Variants in TOPBP1 observed in about 807,000 individuals in gnomAD.
The protein encoded by TOPBP1 is DNA topoisomerase 2-binding protein 1.
In TOPBP1, 28 loss-of-function variants were observed where a neutral mutation model predicts 167.7. The ratio of observed to expected loss-of-function variants is 0.17; its 90% CI spans 0.12 to 0.23. The LOEUF is 0.23. TOPBP1 is among the 10% of genes least tolerant of loss of function. TOPBP1 has a pLI of 1.00. For synonymous variants in TOPBP1, 598 were observed against 611.4 expected (o/e 0.98, Z 0.32); for missense variants, 1,554 against 1,809.6 (o/e 0.86, Z 2.56).
At chr3:133,649,746 G>A in intron 9 of TOPBP1, 34 bp downstream of exon 9, 1 of 1,584,666 alleles carries the variant, frequency 6.3e-7, no homozygotes, top group Non-Finnish European at 8.5e-7. Flanking sequence ...AAATTATGTA[G>A]TAGAAATTGC....
In TOPBP1 at chr3:133,652,624, T is replaced by G. The variant is rs776863282; in HGVS notation, c.928A>C (p.Thr310Pro). ...TSQINTIDSR[T>P]LSDVSNISNI... Reference sequence around the variant, plus strand: ...GAAATATTGCTGACATCTGAAAGAGTACGACCTACATATTTTGAAAACGTA... The same window carrying G: ...GAAATATTGCTGACATCTGAAAGAGGACGACCTACATATTTTGAAAACGTA... The change falls in exon 8 of 28, where the codon ACT (threonine) becomes CCT (proline). Residue 310 changes from threonine (T) to proline (P), a missense_variant. Thr to Pro is a conservative substitution (Grantham distance 38). Around this residue, in one of 3 missense-constraint regions of TOPBP1, gnomAD observed 1,197 missense variants for 1,351.5 expected, o/e 0.89. Transcript: ENST00000260810. 1 of 1,604,642 alleles carries G rather than the reference T, an allele frequency of 6.2e-7. No individual in the cohort carries two copies. Among genetic ancestry groups the G allele is most frequent in the Non-Finnish European group, 8.5e-7 (1 of 1,177,210 alleles).
intron 27 of TOPBP1, among the ~76,000 whole-genome samples, chr3:133,604,187 T>G (rs1241404775): frequency 6.6e-6 from 1 of 151,760 alleles, no homozygotes; most frequent in East Asian, 1.9e-4. Flanking sequence ...CAAGCTGGAG[T>G]GCAGTGGCGT....
rs373881319 is a variant in TOPBP1 at position 133,637,753 on chromosome 3, A to T, written c.2520+123T>A. On this transcript the variant is annotated intron_variant, in intron 14 of 27. Transcript: ENST00000260810. ...CAAAACGTTCAAACTCAGTAACATAAATCTACTTGCCAATGTCTCTGGAAA... is the reference window on the plus strand; with the variant it reads ...CAAAACGTTCAAACTCAGTAACATATATCTACTTGCCAATGTCTCTGGAAA... 2.7e-4 allele frequency: 276 copies of T among 1,026,208 alleles called. No homozygotes were observed. In the African/African-American group the frequency reaches 4.1e-3, roughly 15 times the overall value. The allele number at this position is 1,026,208 out of a possible 1,614,324, so 63.6% of individuals were successfully genotyped here.
At chr3:133,624,399 G>A (rs1257552849) in intron 16 of TOPBP1, among the ~76,000 whole-genome samples, 2 of 152,104 alleles carry the variant, frequency 1.3e-5, no homozygotes, top group Non-Finnish European at 2.9e-5. Context: ...GGAGTTTGAG[G>A]CTGTAGTGTG....
At chr3:133,659,237 T>C (rs1434608646) in intron 2 of TOPBP1, 87 bp from the exon 3 acceptor site, 3 of 1,348,268 alleles carry the variant, frequency 2.2e-6, no homozygotes, top group African/African-American at 2.9e-5. Context: ...ATCCAGCCTT[T>C]TCCCTATTGA....
At chr3:133,610,470 C>T (rs1356434739) in intron 25 of TOPBP1, among the ~76,000 whole-genome samples, 1 of 151,910 alleles carries the variant, frequency 6.6e-6, no homozygotes, top group Non-Finnish European at 1.5e-5. Context: ...CTGATGAACA[C>T]AAACAGTATT....
chr3:133,623,301 T>C lies in TOPBP1; in HGVS notation c.3075+10A>G, dbSNP rs755762254. ...TAAGAGGGGGTAAATGTATCATCCA[T>C]ATCTCCTACCTCATCATCCTTTGTT... is the stretch of plus-strand genomic sequence containing the variant. On this transcript the variant is annotated intron_variant, in intron 18 of 27. Coordinates refer to ENST00000260810, the MANE Select transcript of TOPBP1 (RefSeq NM_007027.4). 6 of 1,613,452 alleles carry C rather than the reference T, an allele frequency of 3.7e-6. No individual in the cohort carries two copies. In the East Asian group the frequency reaches 8.9e-5, roughly 24 times the overall value.
At chr3:133,641,655 C>A (rs1935893007) in intron 12 of TOPBP1, among the ~76,000 whole-genome samples, 1 of 152,184 alleles carries the variant, frequency 6.6e-6, no homozygotes, top group Admixed American at 6.5e-5. Flanking sequence ...GACCTGGCCA[C>A]AAAATATATT....
At chr3:133,628,859 C>T in intron 14 of TOPBP1, 126 bp from the exon 15 acceptor site, 1 of 909,888 alleles carries the variant, frequency 1.1e-6, no homozygotes, top group Admixed American at 3.0e-5. Flanking sequence ...GGGGAGAATC[C>T]TCAAAATTAA....
chr3:133,650,125 A>G (rs1044022359), intron 8 of TOPBP1, among the ~76,000 whole-genome samples, 182 bp from the exon 9 acceptor site: 2 of 152,058 alleles, frequency 1.3e-5, no homozygotes, highest in African/African-American at 4.8e-5. Context: ...GTTTTTAATC[A>G]CTCTTTACAA....
chr3:133,639,125 G>A (rs1430758334), intron 13 of TOPBP1, among the ~76,000 whole-genome samples: 2 of 152,126 alleles, frequency 1.3e-5, no homozygotes, highest in Non-Finnish European at 2.9e-5. Flanking sequence ...ATACCCAAAG[G>A]ATTACAAATC....
chr3:133,632,974 T>C (rs1935539458), intron 14 of TOPBP1, among the ~76,000 whole-genome samples: 2 of 152,158 alleles, frequency 1.3e-5, no homozygotes, highest in Admixed American at 6.5e-5. Flanking sequence ...GGTCTTGCCA[T>C]GTTGCCCAGA....
At chr3:133,637,759 CT>C in intron 14 of TOPBP1, 116 bp downstream of exon 14, 1 of 1,087,886 alleles carries the variant, frequency 9.2e-7, no homozygotes. Flanking sequence ...CATAAATCTA[CT>C]TGCCAATGTC....
At chr3:133,651,279 T>C (rs2107827207) in intron 8 of TOPBP1, among the ~76,000 whole-genome samples, 1 of 147,360 alleles carries the variant, frequency 6.8e-6, no homozygotes, top group African/African-American at 2.5e-5. Context: ...CTCCGCCTCC[T>C]GGGTTCAAGT....
intron 7 of TOPBP1, 85 bp from the exon 8 acceptor site, chr3:133,652,714 T>G: frequency 3.5e-6 from 4 of 1,152,884 alleles, no homozygotes; most frequent in Non-Finnish European, 4.9e-6. Context: ...TTCTTACAAA[T>G]ATAGGGCAAT....
chr3:133,603,586 A>G (rs369660208), intron 27 of TOPBP1, among the ~76,000 whole-genome samples: 2 of 152,206 alleles, frequency 1.3e-5, no homozygotes, highest in East Asian at 1.9e-4. Flanking sequence ...ATGTACATTC[A>G]AGGCGGAGTA....
intron 27 of TOPBP1, 95 bp from the exon 28 acceptor site, chr3:133,601,488 G>GTCTGAGATTTTTTCTTTAA: frequency 1.0e-6 from 1 of 1,001,768 alleles, no homozygotes; most frequent in African/African-American, 1.7e-5. Context: ...ACCTCTCAGG[G>GTCTGAGATTTTTTCTTTAA]ATGAATCTGA....
chr3:133,618,826 A>C (rs1223668175), intron 20 of TOPBP1, among the ~76,000 whole-genome samples: 2 of 152,180 alleles, frequency 1.3e-5, no homozygotes, highest in African/African-American at 4.8e-5. Context: ...ACTTTACTTA[A>C]CAGTAGTTAT....
chr3:133,618,918 T>C (rs1934987758), intron 20 of TOPBP1, among the ~76,000 whole-genome samples: 1 of 152,074 alleles, frequency 6.6e-6, no homozygotes, highest in Admixed American at 6.6e-5. Context: ...AAGGGCCTTT[T>C]GGCTATTGGT....
Sources: allele counts gnomAD v4.1 joint callset (sites outside exome capture counted in the v4.1 genomes callset), GRCh38; gene constraint gnomAD v4.1.1; regional missense constraint gnomAD v4.1.1; transcripts MANE v1.5; gene names NCBI Gene and HGNC (gene_info 2026-07-23, HGNC 2026-07-21).